The following REL variants were observed in gnomAD, a reference collection of about 807,000 sequenced individuals.
REL encodes REL proto-oncogene, NF-kB subunit, also known as proto-oncogene c-Rel.
Under a neutral mutation model 45.9 loss-of-function variants are expected in REL, and 15 were observed. That is an observed-to-expected ratio of 0.33 (90% confidence interval 0.22 to 0.50). The LOEUF (loss-of-function observed/expected upper bound fraction) is 0.50, where lower values mean the gene tolerates loss of function less well. Ranked by LOEUF, REL falls within the 20% of genes least tolerant of loss-of-function variation. REL has a pLI of 0.98. For synonymous variants in REL, 239 were observed against 242.1 expected (o/e 0.99, Z 0.12); for missense variants, 601 against 715.2 (o/e 0.84, Z 1.82).
intron 4 of REL, among the ~76,000 whole-genome samples, chr2:60,905,279 A>G (rs991183533): frequency 6.6e-6 from 1 of 152,074 alleles, no homozygotes; most frequent in Non-Finnish European, 1.5e-5. Context: ...TATTTTTAGT[A>G]GAGATGGGGT....
chr2:60,896,044 C>A (rs969168839), intron 3 of REL, among the ~76,000 whole-genome samples: 1 of 151,440 alleles, frequency 6.6e-6, no homozygotes, highest in Admixed American at 6.6e-5. Flanking sequence ...GCTTTGTTGC[C>A]CAGGCTGCAG....
intron 4 of REL, among the ~76,000 whole-genome samples, chr2:60,914,603 A>G (rs1673910923): frequency 6.6e-6 from 1 of 152,182 alleles, no homozygotes; most frequent in African/African-American, 2.4e-5. Context: ...CAATCAAGCT[A>G]TGGAACATTT....
rs67574266 is a variant in REL at position 60,881,694 on chromosome 2, G to A, written c.-147G>A. On this transcript the variant is annotated 5_prime_UTR_variant, in exon 1 of 10. Transcript: ENST00000394479. ...GGTGTGAGCCGCAAACCCAGCGGAG[G>A]GCGGGAAGAAGGAGGAGGCCTCTAG... 0.29 allele frequency: 173,503 copies of A among 597,600 alleles called. 29,685 individuals are homozygous for A. The highest frequency in any genetic ancestry group is 0.37 in the Non-Finnish European group (127,582 of 345,660). The allele number at this position is 597,600 out of a possible 1,614,324, so 37.0% of individuals were successfully genotyped here.
At chr2:60,893,442 T>G (rs1015677738) in intron 2 of REL, among the ~76,000 whole-genome samples, 1 of 152,214 alleles carries the variant, frequency 6.6e-6, no homozygotes, top group Non-Finnish European at 1.5e-5. Context: ...GGAAATACTA[T>G]TTGTCCAGTT....
chr2:60,883,371 G>T (rs1672996248), intron 1 of REL, among the ~76,000 whole-genome samples: 1 of 152,220 alleles, frequency 6.6e-6, no homozygotes, highest in Non-Finnish European at 1.5e-5. Flanking sequence ...GTTTGTGGTT[G>T]TGAGAATACT....
chr2:60,920,561 T>C lies in REL; in HGVS notation c.923-13T>C. 6.3e-7 allele frequency: 1 copy of C among 1,575,596 alleles called. No homozygotes were observed. The highest frequency in any genetic ancestry group is 8.7e-7 in the Non-Finnish European group (1 of 1,147,752). On this transcript the variant is annotated splice_polypyrimidine_tract_variant and intron_variant, in intron 8 of 9. Coordinates refer to ENST00000394479, the MANE Select transcript of REL (RefSeq NM_001291746.2). ...AAATGACATTTAATAATGGAAAAACTTTATCCTAACAGTTAATTTTCCTGA... is the reference window on the plus strand; with the variant it reads ...AAATGACATTTAATAATGGAAAAACCTTATCCTAACAGTTAATTTTCCTGA...
intron 4 of REL, chr2:60,911,180 C>G (rs1003809929): frequency 1.3e-5 from 2 of 151,980 alleles, no homozygotes; most frequent in African/African-American, 2.4e-5. Context: ...TACAGTAAGA[C>G]CCCCCAAAAA....
intron 4 of REL, among the ~76,000 whole-genome samples, chr2:60,908,814 A>G (rs899196668): frequency 5.3e-5 from 8 of 152,250 alleles, no homozygotes; most frequent in African/African-American, 1.7e-4. Flanking sequence ...TTGAGTTGTT[A>G]TGAGAGTAAA....
Position 60,923,776 on chromosome 2 carries a change from C to T in REL, c.*1241C>T. 1 of 233,212 alleles carries T rather than the reference C, an allele frequency of 4.3e-6. No homozygotes were observed. The highest frequency in any genetic ancestry group is 8.5e-6 in the Non-Finnish European group (1 of 118,018). The allele number at this position is 233,212 out of a possible 1,614,324, so 14.4% of individuals were successfully genotyped here. ...CCATCATCTCTTCCCTGGATTGAAG[C>T]TGTCATCTACAAAAATTCTTCTTAT... On this transcript the variant is annotated 3_prime_UTR_variant, in exon 10 of 10. Coordinates refer to ENST00000394479, the MANE Select transcript of REL (RefSeq NM_001291746.2).
chr2:60,906,326 CTTCT>C (rs1440438941), intron 4 of REL, among the ~76,000 whole-genome samples: 1 of 152,100 alleles, frequency 6.6e-6, no homozygotes, highest in East Asian at 1.9e-4. Context: ...TTTCCTTTCC[CTTCT>C]TTTTCTTTCT....
Position 60,918,602 on chromosome 2 carries a change from A to C in REL, c.849A>C (p.Glu283Asp), listed in dbSNP as rs759696627. ...TGGATTTTAGATATCTGCCAGATGAAAAAGGTATGACATTTTGCTGGTAAT... is the reference window on the plus strand; with the variant it reads ...TGGATTTTAGATATCTGCCAGATGACAAAGGTATGACATTTTGCTGGTAAT... ...ESMDFRYLPD[E>D]KDTYGNKAKK... The change falls in exon 7 of 10, where the codon GAA becomes GAC. Residue 283 changes from glutamate to aspartate, a missense_variant. Physicochemically the swap from Glu to Asp is conservative, Grantham distance 45 (BLOSUM62 2). Transcript: ENST00000394479. 6.2e-7 allele frequency: 1 copy of C among 1,606,466 alleles called. No individual in the cohort carries two copies. The highest frequency in any genetic ancestry group is 8.5e-7 in the Non-Finnish European group (1 of 1,172,992).
intron 3 of REL, among the ~76,000 whole-genome samples, chr2:60,898,450 TTTGTG>T (rs1361472180): frequency 2.6e-5 from 4 of 152,264 alleles, no homozygotes; most frequent in Non-Finnish European, 1.5e-5. Context: ...TCTAGGGGTC[TTTGTG>T]TGGCCTGTTC....
intron 4 of REL, among the ~76,000 whole-genome samples, chr2:60,913,039 GAC>G (rs1363094756): frequency 1.3e-5 from 2 of 152,070 alleles, no homozygotes; most frequent in Non-Finnish European, 2.9e-5. Context: ...AAAAAGACAA[GAC>G]ACAAAGTGTT....
intron 7 of REL, among the ~76,000 whole-genome samples, chr2:60,919,470 G>C (rs776827537): frequency 3.3e-5 from 5 of 151,908 alleles, no homozygotes; most frequent in Admixed American, 2.6e-4. Context: ...GTCTTGCCCA[G>C]GCTGGAGTAC....
chr2:60,922,224 A>C lies in REL; in HGVS notation c.1453A>C (p.Met485Leu). The C allele has an allele frequency of 3.1e-6, 5 of 1,614,200 alleles. No homozygotes were observed. The highest frequency in any genetic ancestry group is 1.6e-4 in the Middle Eastern group (1 of 6,062). ...GACTGATAATCCAAGACTTCTGAGC[A>C]TGAATCTTGAAAACCCCTCATGTAA... ...GETDNPRLLS[M>L]NLENPSCNSV... Residue 485 changes from methionine to leucine, a missense_variant, in exon 10 of 10, where the codon ATG becomes CTG. This residue lies in a region of REL where 334 missense variants were observed against 333.1 expected (regional missense o/e 1.00). Transcript: ENST00000394479.
In REL at chr2:60,881,644, G is replaced by A; in HGVS notation, c.-197G>A. On this transcript the variant is annotated 5_prime_UTR_variant, in exon 1 of 10. Coordinates refer to ENST00000394479, the MANE Select transcript of REL (RefSeq NM_001291746.2). The stretch of plus-strand genomic sequence containing the variant: ...TGGACGGCGACGCTGGGTGACCCGG[G>A]GTGCAAGAATTCAGGGGTTGGGAAG... The A allele has an allele frequency of 1.9e-6, 1 of 523,514 alleles. No homozygotes were observed. The highest frequency in any genetic ancestry group is 3.4e-6 in the Non-Finnish European group (1 of 295,442). The allele number at this position is 523,514 out of a possible 1,614,324, so 32.4% of individuals were successfully genotyped here.
chr2:60,882,531 G>T (rs1340769310), intron 1 of REL, among the ~76,000 whole-genome samples: 9 of 151,944 alleles, frequency 5.9e-5, no homozygotes, highest in Admixed American at 5.9e-4. Context: ...AAAAATCAGC[G>T]GGGCGTGGTG....
intron 4 of REL, among the ~76,000 whole-genome samples, chr2:60,904,405 T>TAA (rs34507093): frequency 1.6e-5 from 2 of 127,314 alleles, no homozygotes; most frequent in Admixed American, 8.1e-5. Flanking sequence ...CTGTCTCAAT[T>TAA]AAAAAAAAAA....
chr2:60,924,796 T>G lies in REL; in HGVS notation c.*2261T>G, dbSNP rs1294647526. On this transcript the variant is annotated 3_prime_UTR_variant, in exon 10 of 10. Coordinates refer to ENST00000394479, the MANE Select transcript of REL (RefSeq NM_001291746.2). The stretch of plus-strand genomic sequence containing the variant: ...TATTCATTTGGCTGGTTTCAAATGG[T>G]GAGCTGAATGCTGGGTAATCTCTAC... 1 of 206,650 alleles carries G rather than the reference T, an allele frequency of 4.8e-6. No individual in the cohort carries two copies. Among genetic ancestry groups the G allele is most frequent in the African/African-American group, 2.3e-5 (1 of 43,954 alleles). 12.8% of individuals were successfully genotyped at this position (206,650 alleles called of 1,614,324 possible). A position where few individuals can be genotyped will look rare whatever the true frequency, so the allele number is the denominator to read the frequency against.
Sources: gnomAD v4.1 joint callset for allele counts (sites outside exome capture counted in the v4.1 genomes callset) on GRCh38, gnomAD v4.1.1 for gene constraint, gnomAD v4.1.1 regional missense constraint, MANE v1.5 for transcripts, NCBI Gene and HGNC (gene_info 2026-07-23, HGNC 2026-07-21) for gene names.